Variants in DROSHA observed in about 807,000 individuals in gnomAD.
The protein encoded by DROSHA is ribonuclease 3.
In DROSHA, 56 loss-of-function variants were observed where a neutral mutation model predicts 181.9. That is an observed-to-expected ratio of 0.31 (90% CI 0.25 to 0.38). The LOEUF (loss-of-function observed/expected upper bound fraction) is 0.38, where lower values mean the gene tolerates loss of function less well. Ranked by LOEUF, DROSHA falls within the 10% of genes least tolerant of loss-of-function variation. The probability of loss-of-function intolerance (pLI) is 1.00; values close to 1 mark genes in which losing one functional copy is unlikely to be tolerated. For synonymous variants in DROSHA, 524 were observed against 591.2 expected (o/e 0.89, Z 1.65); for missense variants, 1,218 against 1,743.5 (o/e 0.70, Z 5.37).
Position 31,515,134 on chromosome 5 carries a change from T to C in DROSHA, c.1144A>G (p.Lys382Glu), listed in dbSNP as rs768144343. 1 of 1,613,998 alleles carries C rather than the reference T, an allele frequency of 6.2e-7. No homozygotes were observed. The highest frequency in any genetic ancestry group is 1.3e-5 in the African/African-American group (1 of 75,034). The change falls in exon 8 of 36, where the codon AAG becomes GAG. Residue 382 changes from lysine to glutamate, a missense_variant. By Grantham distance (56) the Lys-to-Glu change is moderately conservative (BLOSUM62 1). Around this residue, in one of 8 missense-constraint regions of DROSHA, gnomAD observed 536 missense variants for 535.4 expected, o/e 1.00. Transcript: ENST00000344624. ...TTTTCCTTGATTGAGGTATAGTTCT[T>C]GTCTTTGCCAGAACTCTGGTTGTCA... ...WSDNQSSGKD[K>E]NYTSIKEKEP...
chr5:31,480,486 G>A (rs116018226), intron 16 of DROSHA, among the ~76,000 whole-genome samples: 1,739 of 152,126 alleles, frequency 0.011, 27 homozygotes, highest in Middle Eastern at 0.031. Flanking sequence ...GGGGTTCTTG[G>A]AAGCTACTAA....
chr5:31,409,820 AAAACTT>A lies in DROSHA; in HGVS notation c.3668-494_3668-489del, dbSNP rs1741086365. ...TAGATTCAATCTGCCCAAAAAGAGAAAAACTTAATACTGATCTTAATGACAACAATA... is the reference window on the plus strand; with the variant it reads ...TAGATTCAATCTGCCCAAAAAGAGAAAATACTGATCTTAATGACAACAATA... On this transcript the variant is annotated intron_variant, in intron 31 of 35. Coordinates refer to ENST00000344624, the MANE Select transcript of DROSHA (RefSeq NM_001382508.1). This position sits in a 1 kb window ranked among gnomAD's most constrained non-coding sequence, Gnocchi z 4.0. Among the ~76,000 whole-genome samples the A allele has an allele frequency of 6.6e-6, 1 of 152,186 alleles. No homozygotes were observed.
rs887690620 is a variant in DROSHA at position 31,405,843 on chromosome 5, G to T, written c.3948-120C>A. On this transcript the variant is annotated intron_variant, in intron 34 of 35. Transcript: ENST00000344624. ...TCTTTCAGGCTGATTTTCACGTTCA[G>T]TGCATAAAATCTCCTCTGATTACTT... 7 of 860,350 alleles carry T rather than the reference G, an allele frequency of 8.1e-6. No homozygotes were observed. The African/African-American group carries it at 1.2e-4, about 15-fold the overall frequency. 53.3% of individuals were successfully genotyped at this position (860,350 alleles called of 1,614,324 possible).
intron 13 of DROSHA, among the ~76,000 whole-genome samples, chr5:31,491,063 A>G (rs1235190839): frequency 6.6e-6 from 1 of 152,134 alleles, no homozygotes; most frequent in Non-Finnish European, 1.5e-5. Flanking sequence ...CTTTTGCTGT[A>G]AACCTAAAAC....
At chr5:31,461,262 T>C (rs1285774087) in intron 20 of DROSHA, among the ~76,000 whole-genome samples, 1 of 152,168 alleles carries the variant, frequency 6.6e-6, no homozygotes, top group African/African-American at 2.4e-5. Flanking sequence ...AAACAAAATA[T>C]ATGGCAAACA....
chr5:31,449,298 A>G lies in DROSHA; in HGVS notation c.2804T>C (p.Met935Thr), dbSNP rs761529733. 1 of 1,613,914 alleles carries G rather than the reference A, an allele frequency of 6.2e-7. No homozygotes were observed. The highest frequency in any genetic ancestry group is 8.5e-7 in the Non-Finnish European group (1 of 1,179,866). Reference protein sequence around the residue: ...PKYGDRKVHHMHMRKKGINTL... With the variant: ...PKYGDRKVHHTHMRKKGINTL... ...AGACATACCTTTCTTCCGCATGTGC[A>G]TGTGATGAACTTTTCTGTCTCCGTA... The change falls in exon 22 of 36, where the codon ATG becomes ACG. Residue 935 changes from methionine to threonine, a missense_variant. Met to Thr is a moderately conservative substitution (Grantham distance 81). Coordinates refer to ENST00000344624, the MANE Select transcript of DROSHA (RefSeq NM_001382508.1).
At chr5:31,481,957 C>T (rs923461454) in intron 16 of DROSHA, among the ~76,000 whole-genome samples, 1 of 152,164 alleles carries the variant, frequency 6.6e-6, no homozygotes, top group African/African-American at 2.4e-5. Flanking sequence ...GGGTCTGGCA[C>T]TGAAGCAAAA....
chr5:31,468,268 G>A (rs1424426344), intron 17 of DROSHA, among the ~76,000 whole-genome samples: 1 of 152,200 alleles, frequency 6.6e-6, no homozygotes, highest in Non-Finnish European at 1.5e-5. Context: ...ATGCCATTTG[G>A]CATAATGAAC....
In DROSHA at chr5:31,464,050, C is replaced by G. The variant is rs1260876493; in HGVS notation, c.2574+186G>C. 5.0e-6 allele frequency: 3 copies of G among 604,442 alleles called. No individual in the cohort carries two copies. The African/African-American group carries it at 5.6e-5, about 11-fold the overall frequency. The allele number at this position is 604,442 out of a possible 1,614,324, so 37.4% of individuals were successfully genotyped here. The stretch of plus-strand genomic sequence containing the variant: ...CCCACAAATACAACATACACACACA[C>G]ACCAGCATCAAAACAGACAACAAAA... On this transcript the variant is annotated intron_variant, in intron 20 of 35. Coordinates refer to ENST00000344624, the MANE Select transcript of DROSHA (RefSeq NM_001382508.1).
intron 25 of DROSHA, among the ~76,000 whole-genome samples, chr5:31,435,321 G>A (rs1744659892): frequency 6.6e-6 from 1 of 152,194 alleles, no homozygotes; most frequent in East Asian, 1.9e-4. Flanking sequence ...TCTCAAAGGT[G>A]TAGAAAGTAC....
At position 31,436,613 on chromosome 5, in the gene DROSHA, G is replaced by C. The variant is rs147407962; in HGVS notation, c.2942+626C>G. Among the ~76,000 whole-genome samples, 754 of 152,186 alleles carry C rather than the reference G, an allele frequency of 5.0e-3. 8 individuals are homozygous for C. Among genetic ancestry groups the C allele is most frequent in the African/African-American group, 0.017 (720 of 41,524 alleles). ...TCGCCATGTTGGCCAGGCTGGTCTT[G>C]AACTCCTGACCTCAGGTGATCCACC... On this transcript the variant is annotated intron_variant, in intron 24 of 35. Transcript: ENST00000344624.
chr5:31,489,870 T>C (rs1752183839), intron 13 of DROSHA, among the ~76,000 whole-genome samples: 1 of 138,046 alleles, frequency 7.2e-6, no homozygotes, highest in Admixed American at 7.1e-5. Flanking sequence ...ACATATACCT[T>C]ACATTTTTTT....
chr5:31,529,767 T>C (rs58827977), intron 3 of DROSHA, among the ~76,000 whole-genome samples: 4,861 of 144,530 alleles, frequency 0.034, 163 homozygotes, highest in African/African-American at 0.085. Flanking sequence ...AAACAAACCA[T>C]GTAGGCATAG....
chr5:31,418,343 T>C (rs867371787), intron 30 of DROSHA, among the ~76,000 whole-genome samples: 1 of 151,864 alleles, frequency 6.6e-6, no homozygotes, highest in Non-Finnish European at 1.5e-5. Context: ...TGGAGTGCAG[T>C]GGTGCAACCA....
At position 31,447,621 on chromosome 5, in the gene DROSHA, T is replaced by C. The variant is rs142317849; in HGVS notation, c.2882+926A>G. 5.2e-3 allele frequency among the ~76,000 whole-genome samples: 793 copies of C among 152,322 alleles called. 7 individuals carry two copies. Among genetic ancestry groups the C allele is most frequent in the Middle Eastern group, 0.041 (12 of 294 alleles). On this transcript the variant is annotated intron_variant, in intron 23 of 35. Coordinates refer to ENST00000344624, the MANE Select transcript of DROSHA (RefSeq NM_001382508.1). ...TTGCAAATCTGATAAGGAATTTGTA[T>C]CTGAGAATATATTTAAAAACTACTA...
In DROSHA at chr5:31,465,458, T is replaced by C. The variant is rs140085856; in HGVS notation, c.2466+724A>G. 5.9e-3 allele frequency among the ~76,000 whole-genome samples: 896 copies of C among 152,322 alleles called. 7 individuals are homozygous for C. The highest frequency in any genetic ancestry group is 0.016 in the Admixed American group (246 of 15,302). ...AATCTGAGTAAGGCCCAATGTTGTA[T>C]AATGTGCAACCAAATTAAAGATAAA... On this transcript the variant is annotated intron_variant, in intron 19 of 35. Coordinates refer to ENST00000344624, the MANE Select transcript of DROSHA (RefSeq NM_001382508.1).
At chr5:31,485,387 G>A (rs1178980162) in intron 14 of DROSHA, among the ~76,000 whole-genome samples, 4 of 134,222 alleles carry the variant, frequency 3.0e-5, no homozygotes, top group Middle Eastern at 4.5e-3. Flanking sequence ...CAGAGGTCCT[G>A]TGTACCCAAA....
intron 19 of DROSHA, among the ~76,000 whole-genome samples, chr5:31,464,883 A>C (rs1406490687): frequency 1.3e-5 from 2 of 152,164 alleles, no homozygotes; most frequent in Admixed American, 6.5e-5. Context: ...CGGCCCTTCA[A>C]ATAATTGTAA....
rs565707986 is a variant in DROSHA at position 31,426,166 on chromosome 5, C to T, written c.3217-1695G>A. Among the ~76,000 whole-genome samples, 5 of 152,176 alleles carry T rather than the reference C, an allele frequency of 3.3e-5. No homozygotes were observed. In the South Asian group the frequency reaches 8.3e-4, roughly 25 times the overall value. ...AATAGCATAACACCCCATGACCAGA[C>T]TAATGCACCTGTCCATTTCCTTTCA... On this transcript the variant is annotated intron_variant, in intron 27 of 35. Coordinates refer to ENST00000344624, the MANE Select transcript of DROSHA (RefSeq NM_001382508.1).
Sources: allele counts gnomAD v4.1 joint callset (sites outside exome capture counted in the v4.1 genomes callset), GRCh38; gene constraint gnomAD v4.1.1; regional missense constraint gnomAD v4.1.1; non-coding constraint Gnocchi (gnomAD v3.1); transcripts MANE v1.5; gene names NCBI Gene and HGNC (gene_info 2026-07-23, HGNC 2026-07-21).